PSMD14: variants seen among roughly 807,000 people sequenced by gnomAD.
PSMD14 encodes ubiquitin C-terminal hydrolase PSMD14.
Under a neutral mutation model 41.2 loss-of-function variants are expected in PSMD14, and 7 were observed. The ratio of observed to expected loss-of-function variants is 0.17; its 90% confidence interval spans 0.10 to 0.32. The LOEUF is 0.32. PSMD14 is among the 10% of genes least tolerant of loss of function. The pLI is 1.00. For synonymous variants in PSMD14, 114 were observed against 122.3 expected (o/e 0.93, Z 0.45); for missense variants, 139 against 375.6 (o/e 0.37, Z 5.21).
At chr2:161,318,940 G>A in intron 3 of PSMD14, 67 bp downstream of exon 3, 1 of 1,307,380 alleles carries the variant, frequency 7.6e-7, no homozygotes, top group Non-Finnish European at 1.1e-6. Context: ...GTTAGCCAAA[G>A]AGAAAGAAAT....
intron 3 of PSMD14, among the ~76,000 whole-genome samples, chr2:161,330,739 C>G (rs13398392): frequency 6.6e-6 from 1 of 151,900 alleles, no homozygotes; most frequent in South Asian, 2.1e-4. Flanking sequence ...AGCTGTTGCC[C>G]GTGATTGCAC....
intron 3 of PSMD14, among the ~76,000 whole-genome samples, chr2:161,353,582 A>G (rs981303912): frequency 1.3e-5 from 2 of 152,150 alleles, no homozygotes; most frequent in African/African-American, 4.8e-5. Flanking sequence ...TCTTACTTGG[A>G]AAAGGTCTAT....
At chr2:161,364,632 A>G (rs1019996496) in intron 3 of PSMD14, among the ~76,000 whole-genome samples, 14 of 152,174 alleles carry the variant, frequency 9.2e-5, no homozygotes, top group Middle Eastern at 3.4e-3. Context: ...ACAGGTGAGC[A>G]TGTAGGAAAA....
At chr2:161,405,705 G>A (rs1482064135) in intron 10 of PSMD14, among the ~76,000 whole-genome samples, 1 of 152,112 alleles carries the variant, frequency 6.6e-6, no homozygotes, top group East Asian at 1.9e-4. Context: ...TAGCAGTTAT[G>A]CATTGATTGC....
At chr2:161,309,456 C>G (rs1689064638) in intron 1 of PSMD14, among the ~76,000 whole-genome samples, 2 of 152,204 alleles carry the variant, frequency 1.3e-5, no homozygotes, top group South Asian at 4.1e-4. Flanking sequence ...TTTTGTTCCA[C>G]TGGTCACAAG....
intron 1 of PSMD14, among the ~76,000 whole-genome samples, chr2:161,312,328 G>A (rs1689097427): frequency 6.6e-6 from 1 of 152,022 alleles, no homozygotes; most frequent in Non-Finnish European, 1.5e-5. Context: ...GTTTTCAGTA[G>A]AGACGGGGTT....
intron 1 of PSMD14, among the ~76,000 whole-genome samples, chr2:161,314,304 ATAAG>A (rs1280074893): frequency 2.0e-5 from 3 of 152,234 alleles, no homozygotes; most frequent in Non-Finnish European, 4.4e-5. Flanking sequence ...TTCTTGTTGA[ATAAG>A]TAACTGAGTA....
intron 3 of PSMD14, among the ~76,000 whole-genome samples, chr2:161,361,036 C>T (rs1683282513): frequency 6.6e-6 from 1 of 151,976 alleles, no homozygotes; most frequent in Non-Finnish European, 1.5e-5. Flanking sequence ...TTTTATGTTC[C>T]TTTATTTGTT....
chr2:161,324,327 T>C (rs1320039521), intron 3 of PSMD14, among the ~76,000 whole-genome samples: 1 of 152,218 alleles, frequency 6.6e-6, no homozygotes, highest in Non-Finnish European at 1.5e-5. Flanking sequence ...CAGTGAAAGC[T>C]AATGCTCATT....
At chr2:161,318,795 C>T (rs777251149) in intron 2 of PSMD14, 27 bp from the exon 3 acceptor site, 15 of 1,598,926 alleles carry the variant, frequency 9.4e-6, no homozygotes, top group South Asian at 7.8e-5. Flanking sequence ...TGCTTAGGAA[C>T]GTTTTTTCTT....
intron 9 of PSMD14, among the ~76,000 whole-genome samples, chr2:161,392,862 A>G (rs1683731436): frequency 6.6e-6 from 1 of 152,226 alleles, no homozygotes; most frequent in South Asian, 2.1e-4. Flanking sequence ...TTCAGAATAT[A>G]AATATTTTAT....
chr2:161,316,203 A>C (rs568558435), intron 1 of PSMD14, among the ~76,000 whole-genome samples: 1 of 152,346 alleles, frequency 6.6e-6, no homozygotes, highest in East Asian at 1.9e-4. Context: ...CTGTCTTCAA[A>C]GTTAGTGTTC....
intron 3 of PSMD14, among the ~76,000 whole-genome samples, chr2:161,339,897 A>G (rs1427219018): frequency 6.6e-5 from 10 of 152,286 alleles, no homozygotes; most frequent in African/African-American, 1.4e-4. Flanking sequence ...AACATTTTCT[A>G]TAAACTTACT....
chr2:161,368,002 C>A, intron 5 of PSMD14, 99 bp downstream of exon 5: 3 of 1,309,854 alleles, frequency 2.3e-6, no homozygotes, highest in Non-Finnish European at 1.0e-6. Context: ...TTTTCTCTTT[C>A]CAGTAGGAAA....
In PSMD14 at chr2:161,374,613, C is replaced by G. The variant is rs148308079; in HGVS notation, c.462+3291C>G. ...AATAGTTTATAAGGTCCGCTTGCAG[C>G]ATTTAGTTCATTTGTAAAATATACA... On this transcript the variant is annotated intron_variant, in intron 7 of 11. Transcript: ENST00000409682. Among the ~76,000 whole-genome samples, 225 of 152,044 alleles carry G rather than the reference C, an allele frequency of 1.5e-3. 1 individual carries two copies. Among genetic ancestry groups the G allele is most frequent in the African/African-American group, 5.1e-3 (210 of 41,544 alleles).
intron 3 of PSMD14, among the ~76,000 whole-genome samples, chr2:161,323,239 A>G (rs184020633): frequency 6.2e-4 from 94 of 152,328 alleles, no homozygotes; most frequent in African/African-American, 1.8e-3. Flanking sequence ...CTAAACTTCA[A>G]TATTCCACAC....
intron 7 of PSMD14, among the ~76,000 whole-genome samples, chr2:161,377,982 A>G (rs1288561073): frequency 6.6e-6 from 1 of 151,894 alleles, no homozygotes; most frequent in Non-Finnish European, 1.5e-5. Context: ...TATGACTTTG[A>G]TTGAGAGGCG....
At chr2:161,389,277 A>T (rs1201321331) in intron 8 of PSMD14, among the ~76,000 whole-genome samples, 2 of 152,260 alleles carry the variant, frequency 1.3e-5, no homozygotes, top group South Asian at 2.1e-4. Context: ...CATCGCGCAA[A>T]TGTGCTTGGA....
chr2:161,320,512 T>C (rs1187639169), intron 3 of PSMD14, among the ~76,000 whole-genome samples: 1 of 152,198 alleles, frequency 6.6e-6, no homozygotes, highest in Non-Finnish European at 1.5e-5. Context: ...AAGAATCATT[T>C]CATCTCAATT....
Sources: gnomAD v4.1 joint callset for allele counts (sites outside exome capture counted in the v4.1 genomes callset) on GRCh38, gnomAD v4.1.1 for gene constraint, MANE v1.5 for transcripts, NCBI Gene and HGNC (gene_info 2026-07-23, HGNC 2026-07-21) for gene names.